CALCR: variants seen among roughly 807,000 people sequenced by gnomAD.
CALCR encodes the protein calcitonin receptor.
Under a neutral mutation model 59.5 loss-of-function variants are expected in CALCR, and 47 were observed. That is an observed-to-expected ratio of 0.79 (90% CI 0.63 to 1.01). The LOEUF is 1.01. Among genes scored for constraint, CALCR ranks in the 50% least tolerant of loss-of-function variants. The pLI, the probability that CALCR is intolerant of heterozygous loss-of-function variation, is 0.00. For missense variants in CALCR, 566 were observed against 597.1 expected (o/e 0.95, Z 0.54); for synonymous variants, 213 against 211.3 (o/e 1.01, Z -0.07).
chr7:93,486,885 CAGCATTCTTCATT>C, intron 3 of CALCR, 33 bp downstream of exon 3: 1 of 1,110,560 alleles, frequency 9.0e-7, no homozygotes, highest in Non-Finnish European at 1.4e-6. Flanking sequence ...CCTCCTTATT[CAGCATTCTTCATT>C]AGCATGGCTT....
intron 6 of CALCR, among the ~76,000 whole-genome samples, chr7:93,470,747 T>C (rs1800533443): frequency 6.6e-6 from 1 of 151,480 alleles, no homozygotes; most frequent in South Asian, 2.1e-4. Flanking sequence ...TTTATTTTTA[T>C]TTTTATTTTT....
intron 3 of CALCR, among the ~76,000 whole-genome samples, chr7:93,486,012 T>C (rs1800936189): frequency 6.6e-6 from 1 of 151,672 alleles, no homozygotes; most frequent in African/African-American, 2.4e-5. Context: ...ACAAACAGTT[T>C]AGACAGACTT....
At chr7:93,511,480 G>A (rs1801545152) in intron 2 of CALCR, among the ~76,000 whole-genome samples, 1 of 151,990 alleles carries the variant, frequency 6.6e-6, no homozygotes, top group Non-Finnish European at 1.5e-5. Context: ...GGCTTACATG[G>A]AGTTTTATAA....
At chr7:93,526,023 A>G (rs1801870230) in intron 2 of CALCR, among the ~76,000 whole-genome samples, 1 of 152,186 alleles carries the variant, frequency 6.6e-6, no homozygotes, top group African/African-American at 2.4e-5. Flanking sequence ...ACAGACATGG[A>G]CAGATGAGAT....
At chr7:93,453,891 A>G (rs1800157337) in intron 8 of CALCR, among the ~76,000 whole-genome samples, 1 of 152,082 alleles carries the variant, frequency 6.6e-6, no homozygotes, top group Non-Finnish European at 1.5e-5. Flanking sequence ...CTTGGTTAAA[A>G]GACCATTTAT....
chr7:93,564,129 T>A (rs10238108), intron 2 of CALCR, among the ~76,000 whole-genome samples: 53,150 of 151,854 alleles, frequency 0.35, 12,167 homozygotes, highest in African/African-American at 0.65. Flanking sequence ...GGAATCTGGG[T>A]TTGATCAAAG....
At chr7:93,448,342 CA>C (rs1173118178) in intron 8 of CALCR, among the ~76,000 whole-genome samples, 1 of 151,852 alleles carries the variant, frequency 6.6e-6, no homozygotes, top group Non-Finnish European at 1.5e-5. Context: ...TGCTGTAAAA[CA>C]AATTTGGCAA....
intron 13 of CALCR, among the ~76,000 whole-genome samples, chr7:93,433,598 C>G (rs1239178515): frequency 6.6e-6 from 1 of 152,108 alleles, no homozygotes; most frequent in Non-Finnish European, 1.5e-5. Flanking sequence ...CCCTAAAACC[C>G]TGGAAGTTCT....
Position 93,435,887 on chromosome 7 carries a change from T to C in CALCR, c.1149+65A>G, listed in dbSNP as rs934125354. On this transcript the variant is annotated intron_variant, in intron 12 of 13. Transcript: ENST00000426151. The stretch of plus-strand genomic sequence containing the variant: ...AATAATAATAAAAGATCATGGGCTT[T>C]AGAGTTAAAATCAGCTAGCTGAATA... 1.5e-5 allele frequency: 11 copies of C among 720,868 alleles called. No homozygotes were observed. In the African/African-American group the frequency reaches 1.9e-4, roughly 13 times the overall value. 44.7% of individuals were successfully genotyped at this position (720,868 alleles called of 1,614,324 possible). A position where few individuals can be genotyped will look rare whatever the true frequency, so the allele number is the denominator to read the frequency against.
At chr7:93,441,676 T>C in intron 9 of CALCR, 1 of 390,848 alleles carries the variant, frequency 2.6e-6, no homozygotes, top group Admixed American at 3.3e-5. Flanking sequence ...GCCTGATTTC[T>C]AACCTCACTG....
At chr7:93,442,162 T>C (rs2115722814) in intron 9 of CALCR, among the ~76,000 whole-genome samples, 1 of 152,282 alleles carries the variant, frequency 6.6e-6, no homozygotes, top group African/African-American at 2.4e-5. Flanking sequence ...TCCTGGCTTA[T>C]CTGCTCCCAG....
chr7:93,559,394 C>T (rs182341132), intron 2 of CALCR: 1 of 152,168 alleles, frequency 6.6e-6, no homozygotes, highest in East Asian at 1.9e-4. Flanking sequence ...TGCAGCTTGC[C>T]TATTAAAAAG....
At chr7:93,562,688 G>A (rs1789775817) in intron 2 of CALCR, among the ~76,000 whole-genome samples, 2 of 152,284 alleles carry the variant, frequency 1.3e-5, no homozygotes, top group South Asian at 4.1e-4. Flanking sequence ...AATCTGGCCA[G>A]CTGGAAGATT....
At chr7:93,570,566 G>C (rs1249879326) in intron 2 of CALCR, among the ~76,000 whole-genome samples, 1 of 152,114 alleles carries the variant, frequency 6.6e-6, no homozygotes, top group African/African-American at 2.4e-5. Context: ...CTTGAGTTTA[G>C]ATTATCTGTG....
chr7:93,489,299 A>G (rs1350733316), intron 2 of CALCR, among the ~76,000 whole-genome samples: 2 of 151,986 alleles, frequency 1.3e-5, no homozygotes, highest in Non-Finnish European at 2.9e-5. Flanking sequence ...CTAAATGCAC[A>G]CATCACAAAG....
rs923393974 is a variant in CALCR, at chr7:93,443,753, C to G, written c.653G>C (p.Ser218Thr). ...NGELVRRDPV[S>T]CKILHFFHQY... Reference sequence around the variant, plus strand: ...GTGGAAAAAATGCAAAATCTTGCAGCTCACCTGTCAGAAAGAAAGGAAGAT... The same window carrying G: ...GTGGAAAAAATGCAAAATCTTGCAGGTCACCTGTCAGAAAGAAAGGAAGAT... The change falls in exon 9 of 14, where the codon AGC becomes ACC. Residue 218 changes from serine to threonine, a missense_variant. Transcript: ENST00000426151. 3.7e-6 allele frequency: 6 copies of G among 1,612,102 alleles called. No individual in the cohort carries two copies. In the Admixed American group the frequency reaches 1.0e-4, roughly 27 times the overall value.
At chr7:93,499,300 G>C (rs1230882751) in intron 2 of CALCR, among the ~76,000 whole-genome samples, 1 of 151,744 alleles carries the variant, frequency 6.6e-6, no homozygotes, top group Non-Finnish European at 1.5e-5. Context: ...GGAATGAGCA[G>C]TCCACTGGAA....
At chr7:93,477,466 G>A in intron 5 of CALCR, 92 bp downstream of exon 5, 1 of 773,392 alleles carries the variant, frequency 1.3e-6, no homozygotes, top group African/African-American at 1.7e-5. Context: ...GTATGATTAG[G>A]TGGGTACATT....
intron 2 of CALCR, among the ~76,000 whole-genome samples, chr7:93,544,281 TAG>T (rs1398656229): frequency 6.6e-6 from 1 of 152,138 alleles, no homozygotes; most frequent in African/African-American, 2.4e-5. Context: ...TCAAGAGGGA[TAG>T]AGTCTCCATA....
Sources: gnomAD v4.1 joint callset for allele counts (sites outside exome capture counted in the v4.1 genomes callset) on GRCh38, gnomAD v4.1.1 for gene constraint, MANE v1.5 for transcripts, NCBI Gene and HGNC (gene_info 2026-07-23, HGNC 2026-07-21) for gene names.